Variants in SEC24B observed in about 807,000 individuals in gnomAD.
The protein encoded by SEC24B is SEC24 homolog B, COPII component.
Under a neutral mutation model 142.8 loss-of-function variants are expected in SEC24B, and 45 were observed. The ratio of observed to expected loss-of-function variants is 0.32; its 90% CI spans 0.25 to 0.40. The LOEUF (loss-of-function observed/expected upper bound fraction) is 0.40, where lower values mean the gene tolerates loss of function less well. SEC24B is among the 10% of genes least tolerant of loss of function. The pLI, the probability that SEC24B is intolerant of heterozygous loss-of-function variation, is 1.00. For missense variants in SEC24B, 1,409 were observed against 1,526.8 expected (o/e 0.92, Z 1.29); for synonymous variants, 574 against 568.2 (o/e 1.01, Z -0.15).
intron 4 of SEC24B, among the ~76,000 whole-genome samples, chr4:109,483,463 CT>C (rs1734028824): frequency 6.6e-6 from 1 of 152,024 alleles, no homozygotes; most frequent in East Asian, 1.9e-4. Flanking sequence ...GAATTTTCCA[CT>C]TGTGGTGTCA....
chr4:109,482,862 A>T (rs1418206074), intron 4 of SEC24B, among the ~76,000 whole-genome samples: 1 of 140,420 alleles, frequency 7.1e-6, no homozygotes, highest in Non-Finnish European at 1.5e-5. Context: ...GAACTCCTGC[A>T]CTCAGGGAAT....
At chr4:109,450,973 A>G (rs1251352590) in intron 1 of SEC24B, 1 of 152,082 alleles carries the variant, frequency 6.6e-6, no homozygotes, top group Non-Finnish European at 1.5e-5. Flanking sequence ...CCCAATCAGC[A>G]TAACACATTA....
chr4:109,461,189 TGTAAACTAAA>T (rs1731220413), intron 1 of SEC24B, among the ~76,000 whole-genome samples: 1 of 152,318 alleles, frequency 6.6e-6, no homozygotes, highest in African/African-American at 2.4e-5. Flanking sequence ...AGTTAACTAC[TGTAAACTAAA>T]GTGTTTCTCA....
intron 1 of SEC24B, among the ~76,000 whole-genome samples, chr4:109,461,529 A>G (rs2125929173): frequency 6.6e-6 from 1 of 152,348 alleles, no homozygotes; most frequent in Non-Finnish European, 1.5e-5. Flanking sequence ...GGATTTATAT[A>G]TGCTAATACT....
chr4:109,451,392 G>A (rs372589253), intron 1 of SEC24B, among the ~76,000 whole-genome samples: 2 of 148,444 alleles, frequency 1.3e-5, no homozygotes, highest in East Asian at 4.0e-4. Context: ...ATGGAGTCTC[G>A]CTGTGTTGCC....
intron 2 of SEC24B, 142 bp downstream of exon 2, chr4:109,463,786 AC>A (rs1731566974): frequency 7.8e-7 from 1 of 1,278,258 alleles, no homozygotes; most frequent in African/African-American, 1.5e-5. Context: ...TTTTTGTAGC[AC>A]CTCTTTGAAC....
At chr4:109,464,389 C>T (rs78885052) in intron 2 of SEC24B, among the ~76,000 whole-genome samples, 5,600 of 151,706 alleles carry the variant, frequency 0.037, 118 homozygotes, top group East Asian at 0.046. Flanking sequence ...CTCAAGCGAT[C>T]CTCCCATCTC....
At chr4:109,503,851 C>G (rs991390314) in intron 6 of SEC24B, among the ~76,000 whole-genome samples, 2 of 151,874 alleles carry the variant, frequency 1.3e-5, no homozygotes, top group Non-Finnish European at 2.9e-5. Context: ...TCCCCTTCAC[C>G]TGCAGAATGG....
rs1348291004 is a variant in SEC24B at position 109,531,535 on chromosome 4, G to A, written c.3390+13G>A. On this transcript the variant is annotated intron_variant, in intron 20 of 23. Coordinates refer to ENST00000265175, the MANE Select transcript of SEC24B (RefSeq NM_006323.5). ...ATTGACAGATGAGGTATGTATTTTA[G>A]TGCATTTGAAATGTTTAAATTTGAA... 2 of 1,583,506 alleles carry A rather than the reference G, an allele frequency of 1.3e-6. No individual in the cohort carries two copies. The highest frequency in any genetic ancestry group is 2.2e-5 in the East Asian group (1 of 44,562).
At chr4:109,528,794 A>T (rs1470188522) in intron 18 of SEC24B, among the ~76,000 whole-genome samples, 2 of 152,246 alleles carry the variant, frequency 1.3e-5, no homozygotes, top group Non-Finnish European at 1.5e-5. Context: ...TCCTAGAGAA[A>T]GAGAGTTATT....
chr4:109,530,074 G>A (rs914375380), intron 18 of SEC24B, among the ~76,000 whole-genome samples: 2 of 152,098 alleles, frequency 1.3e-5, no homozygotes, highest in Non-Finnish European at 2.9e-5. Context: ...AAACAAAAAT[G>A]TCCAAAAGAA....
At chr4:109,456,353 T>TTTTTTTA in intron 1 of SEC24B, among the ~76,000 whole-genome samples, 1 of 148,774 alleles carries the variant, frequency 6.7e-6, no homozygotes, top group Non-Finnish European at 1.5e-5. Flanking sequence ...TTTTTTTTTT[T>TTTTTTTA]ACTCCTTTCC....
At chr4:109,531,618 C>G in intron 20 of SEC24B, 96 bp downstream of exon 20, 1 of 833,724 alleles carries the variant, frequency 1.2e-6, no homozygotes, top group Non-Finnish European at 1.9e-6. Context: ...ACTGGTTTTT[C>G]TTTTTAACTC....
chr4:109,480,655 A>G (rs781083021), intron 3 of SEC24B, among the ~76,000 whole-genome samples: 14 of 151,902 alleles, frequency 9.2e-5, no homozygotes, highest in Non-Finnish European at 1.6e-4. Context: ...TAATTTTTGT[A>G]TTTTTAGTAG....
intron 22 of SEC24B, among the ~76,000 whole-genome samples, chr4:109,537,850 T>C (rs186179017): frequency 3.3e-5 from 5 of 152,354 alleles, no homozygotes; most frequent in Admixed American, 3.3e-4. Flanking sequence ...CTTGTCTATT[T>C]AAATTTTGTT....
chr4:109,462,046 A>C (rs1036203786), intron 1 of SEC24B, among the ~76,000 whole-genome samples: 4 of 152,056 alleles, frequency 2.6e-5, no homozygotes, highest in African/African-American at 9.7e-5. Flanking sequence ...ATAAGTAAAA[A>C]TTAGCTGGTC....
At chr4:109,512,971 CTT>C (rs60804973) in intron 9 of SEC24B, among the ~76,000 whole-genome samples, 1,332 of 103,500 alleles carry the variant, frequency 0.013, 5 homozygotes, top group Non-Finnish European at 0.017. Flanking sequence ...TAAGCCTGAT[CTT>C]TTTTTTTTTT....
chr4:109,532,512 T>C (rs548021089), intron 20 of SEC24B, 127 bp from the exon 21 acceptor site: 51 of 679,222 alleles, frequency 7.5e-5, no homozygotes, highest in Non-Finnish European at 1.2e-4. Context: ...ATAATCAGTA[T>C]TTTTTATATC....
intron 2 of SEC24B, among the ~76,000 whole-genome samples, chr4:109,465,244 A>G (rs554119368): frequency 1.1e-4 from 16 of 152,326 alleles, no homozygotes; most frequent in Non-Finnish European, 2.2e-4. Context: ...AGTGTCTGTC[A>G]CAGTTCCGAA....
Sources: gnomAD v4.1 joint callset for allele counts (sites outside exome capture counted in the v4.1 genomes callset) on GRCh38, gnomAD v4.1.1 for gene constraint, MANE v1.5 for transcripts, NCBI Gene and HGNC (gene_info 2026-07-23, HGNC 2026-07-21) for gene names.